CSGALNACT1: variants seen among roughly 807,000 people sequenced by gnomAD.
CSGALNACT1 encodes beta4GalNAcT-1.
CSGALNACT1 carries 52 observed loss-of-function variants against 51.0 expected under a neutral mutation model. That is an observed-to-expected ratio of 1.02 (90% confidence interval 0.82 to 1.29). The LOEUF (loss-of-function observed/expected upper bound fraction) is 1.29. CSGALNACT1 is among the 50% of genes most tolerant of loss of function. The pLI is 0.00. For synonymous variants in CSGALNACT1, 341 were observed against 254.4 expected, an observed-to-expected ratio of 1.34 and a Z score of -3.24; for missense variants, 935 against 679.2, an observed-to-expected ratio of 1.38 and a Z score of -4.19.
At chr8:19,694,235 A>G (rs1315184627) in intron 1 of CSGALNACT1, among the ~76,000 whole-genome samples, 4 of 152,214 alleles carry the variant, frequency 2.6e-5, no homozygotes, top group African/African-American at 9.6e-5. Flanking sequence ...ACAGATGTAC[A>G]AACTAAAGAG....
chr8:19,753,008 G>C (rs2065136327), intron 1 of CSGALNACT1, among the ~76,000 whole-genome samples: 1 of 151,996 alleles, frequency 6.6e-6, no homozygotes, highest in Admixed American at 6.6e-5. Context: ...GTTCAGCTTG[G>C]AGCTCTTGCC....
intron 3 of CSGALNACT1, among the ~76,000 whole-genome samples, chr8:19,570,014 G>T (rs1210356901): frequency 6.6e-6 from 1 of 152,038 alleles, no homozygotes; most frequent in African/African-American, 2.4e-5. Context: ...CAAGATGTCT[G>T]ATTAGATTAG....
chr8:19,586,558 G>C (rs1352910040), intron 3 of CSGALNACT1, among the ~76,000 whole-genome samples: 1 of 152,120 alleles, frequency 6.6e-6, no homozygotes, highest in Non-Finnish European at 1.5e-5. Flanking sequence ...GAAACTCTGG[G>C]GATGGGCTTG....
intron 3 of CSGALNACT1, among the ~76,000 whole-genome samples, chr8:19,524,922 C>T (rs965111435): frequency 6.6e-6 from 1 of 151,856 alleles, no homozygotes; most frequent in African/African-American, 2.4e-5. Context: ...AAGAGAGACA[C>T]AGAGAGAGAG....
intron 1 of CSGALNACT1, among the ~76,000 whole-genome samples, chr8:19,678,095 C>T (rs2060327471): frequency 6.6e-6 from 1 of 151,646 alleles, no homozygotes; most frequent in Non-Finnish European, 1.5e-5. Context: ...CACCCTGAGA[C>T]TCTTATCTCA....
chr8:19,548,388 C>T (rs2154079001), intron 3 of CSGALNACT1, among the ~76,000 whole-genome samples: 1 of 152,248 alleles, frequency 6.6e-6, no homozygotes, highest in East Asian at 1.9e-4. Context: ...ACTCATGATT[C>T]ATATGAGACT....
At chr8:19,694,377 G>C (rs1040776956) in intron 1 of CSGALNACT1, among the ~76,000 whole-genome samples, 2 of 152,116 alleles carry the variant, frequency 1.3e-5, no homozygotes, top group Admixed American at 6.6e-5. Flanking sequence ...TTCAAGTCTC[G>C]CATTCCAAAA....
At chr8:19,661,602 G>A (rs112667029) in intron 1 of CSGALNACT1, among the ~76,000 whole-genome samples, 2,628 of 152,232 alleles carry the variant, frequency 0.017, 67 homozygotes, top group African/African-American at 0.059. Context: ...CTTGTGGCCC[G>A]GATTGCATGG....
At chr8:19,602,278 A>T (rs1105046) in exon 1 of CSGALNACT1, 23,492 of 159,932 alleles carry the variant, frequency 0.15, 2,180 homozygotes, top group African/African-American at 0.26. Flanking sequence ...TCAGGAGGGA[A>T]AGTGCTGCCC....
At chr8:19,594,675 T>G (rs907943508) in intron 2 of CSGALNACT1, among the ~76,000 whole-genome samples, 1 of 151,792 alleles carries the variant, frequency 6.6e-6, no homozygotes, top group Non-Finnish European at 1.5e-5. Flanking sequence ...TCCCAAGTAG[T>G]TGGGATTACA....
intron 3 of CSGALNACT1, among the ~76,000 whole-genome samples, chr8:19,555,126 C>T (rs1457323267): frequency 3.3e-5 from 5 of 151,800 alleles, no homozygotes; most frequent in Admixed American, 2.6e-4. Context: ...GTAGTTCCCA[C>T]TAGTCAGGAG....
At chr8:19,435,318 C>T (rs959427182) in intron 6 of CSGALNACT1, among the ~76,000 whole-genome samples, 2 of 152,060 alleles carry the variant, frequency 1.3e-5, no homozygotes, top group South Asian at 2.1e-4. Context: ...CTTGGTGAAA[C>T]CCCATCTCTT....
upstream of CSGALNACT1, among the ~76,000 whole-genome samples, chr8:19,606,073 T>C (rs2051322914): frequency 6.6e-6 from 1 of 152,176 alleles, no homozygotes; most frequent in Non-Finnish European, 1.5e-5. Context: ...CTTTAGACCA[T>C]CTAAACCATG....
intron 1 of CSGALNACT1, among the ~76,000 whole-genome samples, chr8:19,660,677 AG>A (rs1417685090): frequency 6.6e-6 from 1 of 152,082 alleles, no homozygotes; most frequent in Non-Finnish European, 1.5e-5. Flanking sequence ...TACTCACAAA[AG>A]CTCCAGTTGT....
upstream of CSGALNACT1, among the ~76,000 whole-genome samples, chr8:19,687,371 T>C (rs571123212): frequency 1.3e-5 from 2 of 152,246 alleles, no homozygotes; most frequent in East Asian, 3.9e-4. Flanking sequence ...AAGTTTTGCT[T>C]TAGAAAAAGA....
intron 4 of CSGALNACT1, among the ~76,000 whole-genome samples, chr8:19,490,451 G>A (rs1308099813): frequency 6.6e-6 from 1 of 152,192 alleles, no homozygotes; most frequent in Non-Finnish European, 1.5e-5. Flanking sequence ...TCTCCTGGGA[G>A]TACTGGGAAG....
At chr8:19,452,604 T>C (rs76178687) in intron 5 of CSGALNACT1, among the ~76,000 whole-genome samples, 2,420 of 152,208 alleles carry the variant, frequency 0.016, 31 homozygotes, top group Non-Finnish European at 0.025. Flanking sequence ...AAACTTTCCT[T>C]TTTCCTCTGA....
At chr8:19,586,809 C>T (rs1046504245) in intron 3 of CSGALNACT1, among the ~76,000 whole-genome samples, 1 of 152,184 alleles carries the variant, frequency 6.6e-6, no homozygotes, top group Non-Finnish European at 1.5e-5. Flanking sequence ...CAAAACAAGT[C>T]TTTACTTTAG....
At chr8:19,415,338 A>C (rs915981174) in intron 8 of CSGALNACT1, among the ~76,000 whole-genome samples, 4 of 152,208 alleles carry the variant, frequency 2.6e-5, no homozygotes, top group Admixed American at 1.3e-4. Flanking sequence ...TCTTTTGGGA[A>C]GGGGGAGTCC....
Sources: allele counts gnomAD v4.1 joint callset (sites outside exome capture counted in the v4.1 genomes callset), GRCh38; gene constraint gnomAD v4.1.1; transcripts MANE v1.5; gene names NCBI Gene and HGNC (gene_info 2026-07-23, HGNC 2026-07-21).